Variants in LMX1A observed in about 807,000 individuals in gnomAD.
LMX1A encodes the protein LIM homeobox transcription factor 1-alpha.
Under a neutral mutation model 49.1 loss-of-function variants are expected in LMX1A, and 15 were observed. That is an observed-to-expected ratio of 0.31 (90% CI 0.20 to 0.47). LMX1A has a LOEUF of 0.47. LMX1A is among the 20% of genes least tolerant of loss of function. The probability of loss-of-function intolerance (pLI) is 1.00; values close to 1 mark genes in which losing one functional copy is unlikely to be tolerated. For synonymous variants in LMX1A, 167 were observed against 185.7 expected, an observed-to-expected ratio of 0.90 and a Z score of 0.82; for missense variants, 372 against 475.8, an observed-to-expected ratio of 0.78 and a Z score of 2.03.
chr1:165,219,686 C>A (rs1341128688), intron 4 of LMX1A, among the ~76,000 whole-genome samples: 2 of 152,212 alleles, frequency 1.3e-5, no homozygotes, highest in Non-Finnish European at 2.9e-5. Flanking sequence ...CATAGTTCTT[C>A]AAGGGAGTTT....
intron 3 of LMX1A, among the ~76,000 whole-genome samples, chr1:165,281,015 C>G (rs1334965780): frequency 6.6e-6 from 1 of 152,102 alleles, no homozygotes; most frequent in African/African-American, 2.4e-5. Flanking sequence ...AAGGTGGCAC[C>G]ATCCCACCCC....
Position 165,230,811 on chromosome 1 carries a change from G to A in LMX1A, c.497-16998C>T, listed in dbSNP as rs957711884. ...CCAAATCTAGGATTCAAGTCTCTTG[G>A]CTCAGGTCCAGTGCTCCTTCCCCAT... On this transcript the variant is annotated intron_variant, in intron 4 of 8. Transcript: ENST00000342310. Among the ~76,000 whole-genome samples the A allele has an allele frequency of 3.9e-5, 6 of 152,110 alleles. 1 individual carries two copies. Among genetic ancestry groups the A allele is most frequent in the Non-Finnish European group, 1.5e-5 (1 of 68,030 alleles).
At chr1:165,286,609 C>A (rs1193731329) in intron 3 of LMX1A, among the ~76,000 whole-genome samples, 1 of 152,150 alleles carries the variant, frequency 6.6e-6, no homozygotes, top group Non-Finnish European at 1.5e-5. Flanking sequence ...CCACCAAGTA[C>A]CAGACACCAG....
In LMX1A at chr1:165,249,555, G is replaced by A. The variant is rs10753668; in HGVS notation, c.349C>T (p.Leu117=). ...CAGACACAGCAGCAGAAGCAGCTCA[G>A]GTGGTATACACTCTTCTGGGCCCGC... The part of the protein sequence containing the change: ...VMRAQKSVYH[L]SCFCCCVCER... The change falls in exon 4 of 9, where the codon CTG becomes TTG. Residue 117 remains leucine, a synonymous_variant. Coordinates refer to ENST00000342310, the MANE Select transcript of LMX1A (RefSeq NM_177398.4). The A allele has an allele frequency of 0.27, 432,929 of 1,613,802 alleles. 62,550 individuals are homozygous for A. The highest frequency in any genetic ancestry group is 0.53 in the East Asian group (23,925 of 44,830).
chr1:165,264,725 A>C (rs1653559794), intron 3 of LMX1A, among the ~76,000 whole-genome samples: 1 of 151,724 alleles, frequency 6.6e-6, no homozygotes, highest in South Asian at 2.1e-4. Context: ...AGGAGGCAGA[A>C]GCAGGAGGAA....
intron 3 of LMX1A, among the ~76,000 whole-genome samples, chr1:165,338,129 C>T (rs1290942618): frequency 6.6e-6 from 1 of 152,182 alleles, no homozygotes; most frequent in African/African-American, 2.4e-5. Context: ...ACCAGAAGGA[C>T]ATATTCTCCC....
Position 165,208,113 on chromosome 1 carries a change from C to A in LMX1A, c.767G>T (p.Arg256Leu), listed in dbSNP as rs1651173338. Reference sequence around the variant, plus strand: ...CTGATCTTGCTGCTGCTGCTGCTGTCGCCTGGCCAGCTTCTTCATCTGATA... The same window carrying A: ...CTGATCTTGCTGCTGCTGCTGCTGTAGCCTGGCCAGCTTCTTCATCTGATA... The part of the protein sequence containing the change: ...QRAKMKKLAR[R>L]QQQQQQDQQN... Residue 256 changes from arginine to leucine, a missense_variant, in exon 7 of 9, where the codon CGA (arginine) becomes CTA (leucine). Coordinates refer to ENST00000342310, the MANE Select transcript of LMX1A (RefSeq NM_177398.4). 1.2e-6 allele frequency: 2 copies of A among 1,613,918 alleles called. No homozygotes were observed. Among genetic ancestry groups the A allele is most frequent in the African/African-American group, 1.3e-5 (1 of 75,032 alleles).
intron 3 of LMX1A, among the ~76,000 whole-genome samples, chr1:165,286,385 T>TAA (rs1654305167): frequency 6.6e-6 from 1 of 152,204 alleles, no homozygotes. Flanking sequence ...AGGGTGGGTC[T>TAA]GACATGCCAG....
chr1:165,228,484 T>C (rs1652118245), intron 4 of LMX1A, among the ~76,000 whole-genome samples: 1 of 152,220 alleles, frequency 6.6e-6, no homozygotes, highest in South Asian at 2.1e-4. Context: ...CAGTTGTGTC[T>C]TCTCCCCAGG....
Position 165,207,189 on chromosome 1 carries a change from T to C in LMX1A, c.817+874A>G, listed in dbSNP as rs564565058. The stretch of plus-strand genomic sequence containing the variant: ...CAAAATCGCAGGTGACTTACGTGCA[T>C]ATTAAAATGTAAGAAGCCCTGTTTT... On this transcript the variant is annotated intron_variant, in intron 7 of 8. Transcript: ENST00000342310. Among the ~76,000 whole-genome samples, 11 of 152,352 alleles carry C rather than the reference T, an allele frequency of 7.2e-5. No individual in the cohort carries two copies. In the East Asian group the frequency reaches 2.1e-3, roughly 29 times the overall value.
At chr1:165,314,183 G>A (rs1655155143) in intron 3 of LMX1A, among the ~76,000 whole-genome samples, 1 of 152,202 alleles carries the variant, frequency 6.6e-6, no homozygotes, top group Admixed American at 6.5e-5. Flanking sequence ...CCTAAGGGTG[G>A]CAGCGGTTGG....
chr1:165,315,392 C>T (rs1276356700), intron 3 of LMX1A, among the ~76,000 whole-genome samples: 1 of 152,180 alleles, frequency 6.6e-6, no homozygotes. Flanking sequence ...TGGTTTAAAG[C>T]CCCCCAGGCC....
chr1:165,304,980 C>A (rs1178349411), intron 3 of LMX1A, among the ~76,000 whole-genome samples: 1 of 152,206 alleles, frequency 6.6e-6, no homozygotes, highest in Non-Finnish European at 1.5e-5. Context: ...ATAACCTGCA[C>A]ATTGTTTCAT....
chr1:165,291,857 A>C (rs1382038205), intron 3 of LMX1A, among the ~76,000 whole-genome samples: 1 of 152,046 alleles, frequency 6.6e-6, no homozygotes, highest in Non-Finnish European at 1.5e-5. Flanking sequence ...AGGTCAGGAA[A>C]TCGAGACCAT....
At position 165,225,993 on chromosome 1, in the gene LMX1A, A is replaced by G. The variant is rs1652020950; in HGVS notation, c.497-12180T>C. Among the ~76,000 whole-genome samples the G allele has an allele frequency of 2.7e-5, 4 of 150,688 alleles. No homozygotes were observed. The Admixed American group carries it at 2.7e-4, about 10-fold the overall frequency. ...CCAGCTCTTCAGAGTGATTCCTGCT[A>G]GTTTTGATAATTGTGGGAGAATGGA... is the stretch of plus-strand genomic sequence containing the variant. On this transcript the variant is annotated intron_variant, in intron 4 of 8. Coordinates refer to ENST00000342310, the MANE Select transcript of LMX1A (RefSeq NM_177398.4).
At chr1:165,213,938 T>C in intron 4 of LMX1A, 125 bp from the exon 5 acceptor site, 2 of 782,422 alleles carry the variant, frequency 2.6e-6, no homozygotes, top group Non-Finnish European at 4.1e-6. Flanking sequence ...AGCAATAATC[T>C]ATGTGGTATT....
chr1:165,297,710 C>T (rs945702307), intron 3 of LMX1A, among the ~76,000 whole-genome samples: 7 of 152,132 alleles, frequency 4.6e-5, no homozygotes, highest in Non-Finnish European at 7.3e-5. Context: ...CCAAATGACC[C>T]TTTCTGAGAC....
intron 4 of LMX1A, among the ~76,000 whole-genome samples, chr1:165,232,978 G>A (rs1402372826): frequency 2.0e-5 from 3 of 152,118 alleles, no homozygotes; most frequent in African/African-American, 7.2e-5. Context: ...GATGTTGAAC[G>A]GACCAGCAGA....
At chr1:165,298,940 G>T (rs918828610) in intron 3 of LMX1A, among the ~76,000 whole-genome samples, 2 of 152,208 alleles carry the variant, frequency 1.3e-5, no homozygotes, top group Non-Finnish European at 2.9e-5. Context: ...CTGAGCATGT[G>T]TTATATACTA....
Sources: allele counts gnomAD v4.1 joint callset (sites outside exome capture counted in the v4.1 genomes callset), GRCh38; gene constraint gnomAD v4.1.1; transcripts MANE v1.5; gene names NCBI Gene and HGNC (gene_info 2026-07-23, HGNC 2026-07-21).